The following AKAP13 variants were observed in gnomAD, a reference collection of about 807,000 sequenced individuals.
AKAP13 encodes A-kinase anchoring protein 13.
In AKAP13, 80 loss-of-function variants were observed where a neutral mutation model predicts 264.5. The ratio of observed to expected loss-of-function variants is 0.30; its 90% CI spans 0.25 to 0.36. The LOEUF (loss-of-function observed/expected upper bound fraction) is 0.36, where lower values mean the gene tolerates loss of function less well. Ranked by LOEUF, AKAP13 falls within the 10% of genes least tolerant of loss-of-function variation. The probability of loss-of-function intolerance (pLI) is 1.00; values close to 1 mark genes in which losing one functional copy is unlikely to be tolerated. For missense variants in AKAP13, 3,712 were observed against 3,435.2 expected, an observed-to-expected ratio of 1.08 and a Z score of -2.01; for synonymous variants, 1,380 against 1,250.2, an observed-to-expected ratio of 1.10 and a Z score of -2.19.
At chr15:85,527,518 A>G (rs2077110021) in intron 3 of AKAP13, among the ~76,000 whole-genome samples, 1 of 152,244 alleles carries the variant, frequency 6.6e-6, no homozygotes, top group Non-Finnish European at 1.5e-5. Context: ...TTGGGATATG[A>G]TAATGGAAGA....
intron 1 of AKAP13, among the ~76,000 whole-genome samples, chr15:85,398,122 T>G (rs1044374283): frequency 6.6e-6 from 1 of 152,204 alleles, no homozygotes; most frequent in Non-Finnish European, 1.5e-5. Context: ...CATTCCTCAT[T>G]CTGGCGAGAG....
At chr15:85,482,418 A>G (rs1283923921) in intron 1 of AKAP13, among the ~76,000 whole-genome samples, 1 of 151,992 alleles carries the variant, frequency 6.6e-6, no homozygotes, top group Non-Finnish European at 1.5e-5. Flanking sequence ...GAAGGTAGGG[A>G]TTTTTGTCTG....
chr15:85,383,723 C>A (rs1424797248), intron 1 of AKAP13, among the ~76,000 whole-genome samples: 2 of 152,150 alleles, frequency 1.3e-5, no homozygotes, highest in Non-Finnish European at 2.9e-5. Flanking sequence ...GGGTAGAGCT[C>A]TTTGTGACTA....
chr15:85,706,694 A>G (rs1276018474), intron 17 of AKAP13, among the ~76,000 whole-genome samples: 1 of 152,216 alleles, frequency 6.6e-6, no homozygotes, highest in Non-Finnish European at 1.5e-5. Flanking sequence ...GAGCATTTGA[A>G]TAGGATGCAT....
intron 8 of AKAP13, chr15:85,619,844 T>A (rs1461577625): frequency 7.4e-7 from 1 of 1,352,464 alleles, no homozygotes; most frequent in African/African-American, 1.5e-5. Flanking sequence ...GAGTTCTACA[T>A]TCATCTTTCC....
rs61400428 is a variant in AKAP13, at chr15:85,633,547, T to C, written c.4162-5827T>C. On this transcript the variant is annotated intron_variant, in intron 8 of 36. Coordinates refer to ENST00000394518, the MANE Select transcript of AKAP13 (RefSeq NM_007200.5). ...TGACTTTTTTTTTCTTTTTTTTTTT[T>C]TTTTTTTTTTTTTTGAGACGGAGTC... Among the ~76,000 whole-genome samples, 413 of 85,724 alleles carry C rather than the reference T, an allele frequency of 4.8e-3. 1 individual carries two copies. The highest frequency in any genetic ancestry group is 0.016 in the East Asian group (26 of 1,644). The allele number at this position is 85,724 out of a possible 152,430, so 56.2% of individuals were successfully genotyped here. A position where few individuals can be genotyped will look rare whatever the true frequency, so the allele number is the denominator to read the frequency against.
chr15:85,441,958 C>G (rs986992746), intron 1 of AKAP13, among the ~76,000 whole-genome samples: 2 of 152,102 alleles, frequency 1.3e-5, no homozygotes, highest in Non-Finnish European at 2.9e-5. Flanking sequence ...AAGATATTCA[C>G]AGTCTTTGGG....
intron 8 of AKAP13, among the ~76,000 whole-genome samples, chr15:85,622,248 C>A (rs1417299248): frequency 6.6e-6 from 1 of 152,052 alleles, no homozygotes; most frequent in Non-Finnish European, 1.5e-5. Flanking sequence ...ATGGGCAGAA[C>A]TATTTCAGAT....
rs1160050565 is a variant in AKAP13 at position 85,458,386 on chromosome 15, G to GT, written c.-11-27318dup. ...TTTTTTCTCTTTTTTTGTATTTTTTGTTTTTTGTTTTTTTTTTTTTTTACT... is the reference window on the plus strand; with the variant it reads ...TTTTTTCTCTTTTTTTGTATTTTTTGTTTTTTTGTTTTTTTTTTTTTTTACT... On this transcript the variant is annotated intron_variant, in intron 1 of 36. Coordinates refer to ENST00000394518, the MANE Select transcript of AKAP13 (RefSeq NM_007200.5). Among the ~76,000 whole-genome samples the GT allele has an allele frequency of 7.7e-4, 80 of 103,862 alleles. No homozygotes were observed. In the East Asian group the frequency reaches 0.013, roughly 16 times the overall value. The allele number at this position is 103,862 out of a possible 152,430, so 68.1% of individuals were successfully genotyped here.
At chr15:85,559,359 T>A (rs2078273814) in intron 5 of AKAP13, among the ~76,000 whole-genome samples, 1 of 152,176 alleles carries the variant, frequency 6.6e-6, no homozygotes, top group Non-Finnish European at 1.5e-5. Flanking sequence ...CCCCAATTTT[T>A]TTTGGCACCA....
At chr15:85,666,878 A>G (rs1031318035) in intron 13 of AKAP13, among the ~76,000 whole-genome samples, 4 of 152,152 alleles carry the variant, frequency 2.6e-5, no homozygotes, top group East Asian at 1.9e-4. Context: ...ACTTTTGACA[A>G]TCCCTTGGGG....
At chr15:85,688,496 G>A (rs559122254) in intron 16 of AKAP13, among the ~76,000 whole-genome samples, 1 of 152,268 alleles carries the variant, frequency 6.6e-6, no homozygotes, top group East Asian at 1.9e-4. Flanking sequence ...TTAGAGAAGT[G>A]TCTAAGGATT....
chr15:85,719,302 G>C lies in AKAP13; in HGVS notation c.6228G>C (p.Arg2076Ser). 6.2e-7 allele frequency: 1 copy of C among 1,614,188 alleles called. No individual in the cohort carries two copies. The highest frequency in any genetic ancestry group is 8.5e-7 in the Non-Finnish European group (1 of 1,180,034). ...DKSEKNFLIK[R>S]IGDVLVNQFS... ...GTGAAAAGAACTTTCTCATCAAGAGGATAGGGGATGTGCTTGTAAATCAGG... is the reference window on the plus strand; with the variant it reads ...GTGAAAAGAACTTTCTCATCAAGAGCATAGGGGATGTGCTTGTAAATCAGG... Residue 2076 changes from arginine (R) to serine (S), a missense_variant, in exon 23 of 37, where the codon AGG (arginine) becomes AGC (serine). Arg to Ser is a moderately radical substitution (Grantham distance 110). This residue lies in a region of AKAP13 where 342 missense variants were observed against 484.3 expected (regional missense o/e 0.71). Coordinates refer to ENST00000394518, the MANE Select transcript of AKAP13 (RefSeq NM_007200.5).
intron 1 of AKAP13, among the ~76,000 whole-genome samples, chr15:85,457,609 G>A (rs1358853700): frequency 6.6e-6 from 1 of 152,164 alleles, no homozygotes; most frequent in Non-Finnish European, 1.5e-5. Flanking sequence ...GGACACAGCT[G>A]TTTCCTCGGG....
intron 2 of AKAP13, among the ~76,000 whole-genome samples, chr15:85,497,743 A>T (rs1392090828): frequency 1.3e-5 from 2 of 152,214 alleles, no homozygotes; most frequent in African/African-American, 2.4e-5. Context: ...TGCAGATAGA[A>T]AATATTTCCA....
chr15:85,517,300 T>C lies in AKAP13; in HGVS notation c.34-4128T>C, dbSNP rs1236982512. 3.3e-5 allele frequency among the ~76,000 whole-genome samples: 5 copies of C among 152,222 alleles called. No homozygotes were observed. The East Asian group carries it at 9.6e-4, about 29-fold the overall frequency. Reference sequence around the variant, plus strand: ...CATTTCTTTCCATTCATCCCTGCACTGTAATTTGACTCTTCCCATCCCCCA... The same window carrying C: ...CATTTCTTTCCATTCATCCCTGCACCGTAATTTGACTCTTCCCATCCCCCA... On this transcript the variant is annotated intron_variant, in intron 2 of 36. Transcript: ENST00000394518.
intron 8 of AKAP13, among the ~76,000 whole-genome samples, chr15:85,602,513 G>A (rs894363580): frequency 6.6e-6 from 1 of 151,506 alleles, no homozygotes; most frequent in African/African-American, 2.4e-5. Flanking sequence ...TTGAAACGGA[G>A]TCTTGCTCTG....
chr15:85,576,194 C>T (rs2079006413), intron 6 of AKAP13, among the ~76,000 whole-genome samples: 2 of 152,006 alleles, frequency 1.3e-5, no homozygotes, highest in Non-Finnish European at 2.9e-5. Flanking sequence ...AAATTTCTGG[C>T]ATAAAAGGAT....
chr15:85,659,940 G>T (rs576349284), intron 12 of AKAP13, among the ~76,000 whole-genome samples: 7 of 152,262 alleles, frequency 4.6e-5, no homozygotes, highest in African/African-American at 1.7e-4. Context: ...ACTAATTGAG[G>T]AATTGAGGAA....
Sources: allele counts gnomAD v4.1 joint callset (sites outside exome capture counted in the v4.1 genomes callset), GRCh38; gene constraint gnomAD v4.1.1; regional missense constraint gnomAD v4.1.1; transcripts MANE v1.5; gene names NCBI Gene and HGNC (gene_info 2026-07-23, HGNC 2026-07-21).